PCDHGB2: variants seen among roughly 807,000 people sequenced by gnomAD.
PCDHGB2 encodes protocadherin gamma subfamily B, 2, also known as protocadherin gamma-B2.
In PCDHGB2, 55 loss-of-function variants were observed where a neutral mutation model predicts 59.3. That is an observed-to-expected ratio of 0.93 (90% confidence interval 0.75 to 1.16). The LOEUF (loss-of-function observed/expected upper bound fraction) is 1.16, where lower values mean the gene tolerates loss of function less well. Among genes scored for constraint, PCDHGB2 ranks in the 50% most tolerant of loss-of-function variants. The probability of loss-of-function intolerance (pLI) is 0.00; values close to 1 mark genes in which losing one functional copy is unlikely to be tolerated. For missense variants in PCDHGB2, 1,228 were observed against 1,198.5 expected, an observed-to-expected ratio of 1.02 and a Z score of -0.36; for synonymous variants, 516 against 512.0, an observed-to-expected ratio of 1.01 and a Z score of -0.11.
rs549051669 is a variant in PCDHGB2, at chr5:141,450,866, C to A, written c.2422-43941C>A. 4.7e-5 allele frequency among the ~76,000 whole-genome samples: 7 copies of A among 149,836 alleles called. No homozygotes were observed. In the East Asian group the frequency reaches 1.4e-3, roughly 29 times the overall value. On this transcript the variant is annotated intron_variant, in intron 1 of 3. Transcript: ENST00000522605. ...TTGAGATGGGGTCTTGCTCTGTCAC[C>A]CAGGCTGGTGTGCAGTGGTGCGATA...
intron 1 of PCDHGB2, chr5:141,382,889 G>A: frequency 2.0e-5 from 30 of 1,532,432 alleles, no homozygotes; most frequent in Non-Finnish European, 2.5e-5. Context: ...AGCAAGAGAA[G>A]CAGGACGACT....
rs370284141 is a variant in PCDHGB2, at chr5:141,421,654, G to A, written c.2421+59098G>A. On this transcript the variant is annotated intron_variant, in intron 1 of 3. Coordinates refer to ENST00000522605, the MANE Select transcript of PCDHGB2 (RefSeq NM_018923.3). ...CCAGGAGGACGAAGTGGAGATAAAA[G>A]TCAGTGAGCACGCAATTCCTGGGGC... The A allele has an allele frequency of 3.5e-5, 57 of 1,613,746 alleles. No individual in the cohort carries two copies. Among genetic ancestry groups the A allele is most frequent in the Admixed American group, 5.0e-5 (3 of 59,974 alleles).
chr5:141,433,108 G>A (rs2097568903), intron 1 of PCDHGB2: 2 of 1,614,146 alleles, frequency 1.2e-6, no homozygotes, highest in East Asian at 2.2e-5. Context: ...TCAGCCAGGA[G>A]AGCTTTGAAA....
chr5:141,389,658 G>T (rs750579245), intron 1 of PCDHGB2: 17 of 1,612,424 alleles, frequency 1.1e-5, no homozygotes, highest in Non-Finnish European at 8.5e-7. Flanking sequence ...GGTAGTGGCG[G>T]TGGACGCAGA....
intron 1 of PCDHGB2, among the ~76,000 whole-genome samples, chr5:141,436,122 C>T (rs909678739): frequency 4.6e-5 from 7 of 152,128 alleles, no homozygotes; most frequent in African/African-American, 7.2e-5. Flanking sequence ...AACCTCTCTC[C>T]TCCATCATCT....
At position 141,413,783 on chromosome 5, in the gene PCDHGB2, C is replaced by T. The variant is rs1418394305; in HGVS notation, c.2421+51227C>T. 3.7e-6 allele frequency: 6 copies of T among 1,613,096 alleles called. No individual in the cohort carries two copies. Among genetic ancestry groups the T allele is most frequent in the Non-Finnish European group, 4.2e-6 (5 of 1,179,878 alleles). On this transcript the variant is annotated intron_variant, in intron 1 of 3. Coordinates refer to ENST00000522605, the MANE Select transcript of PCDHGB2 (RefSeq NM_018923.3). ...TACCCGGAGCTGGTACTGGAGCACT[C>T]CCTAGATCGCGAGGAAGAGGCCATT...
At chr5:141,407,932 C>T (rs1465007397) in intron 1 of PCDHGB2, 7 of 504,268 alleles carry the variant, frequency 1.4e-5, no homozygotes, top group Non-Finnish European at 2.0e-5. Context: ...CACGGAGCCT[C>T]TGGGCGCCGC....
At chr5:141,460,848 C>A (rs528601988) in intron 1 of PCDHGB2, among the ~76,000 whole-genome samples, 1 of 150,236 alleles carries the variant, frequency 6.7e-6, no homozygotes, top group African/African-American at 2.4e-5. Context: ...GCCTCCAGTT[C>A]GATCCAAGTT....
chr5:141,395,544 G>T (rs1352260391), intron 1 of PCDHGB2: 4 of 11,560 alleles, frequency 3.5e-4, no homozygotes, highest in African/African-American at 5.6e-4. Flanking sequence ...GCTATTGTTT[G>T]TGTGTGTGTG....
chr5:141,394,001 G>A (rs766773377), intron 1 of PCDHGB2: 4 of 1,613,340 alleles, frequency 2.5e-6, no homozygotes, highest in Admixed American at 1.7e-5. Context: ...AATTAGAAAA[G>A]TCAATAGGTA....
chr5:141,400,371 C>A, intron 1 of PCDHGB2: 1 of 1,614,056 alleles, frequency 6.2e-7, no homozygotes, highest in South Asian at 1.1e-5. Flanking sequence ...CTTATTCCTA[C>A]AACCTATGTG....
At position 141,384,387 on chromosome 5, in the gene PCDHGB2, C is replaced by T. The variant is rs774707320; in HGVS notation, c.2421+21831C>T. The T allele has an allele frequency of 3.1e-6, 5 of 1,613,950 alleles. No homozygotes were observed. The South Asian group carries it at 5.5e-5, about 18-fold the overall frequency. On this transcript the variant is annotated intron_variant, in intron 1 of 3. Transcript: ENST00000522605. ...CTTATTCCTTGGCCGAAGACACCATCCAGGGGGCTCCAGTGTCCTCCTATG... is the reference window on the plus strand; with the variant it reads ...CTTATTCCTTGGCCGAAGACACCATTCAGGGGGCTCCAGTGTCCTCCTATG...
At chr5:141,380,282 T>C (rs1263967352) in intron 1 of PCDHGB2, among the ~76,000 whole-genome samples, 3 of 152,306 alleles carry the variant, frequency 2.0e-5, no homozygotes, top group Admixed American at 6.5e-5. Flanking sequence ...AGGAGAAACA[T>C]TGGAAGATAC....
intron 2 of PCDHGB2, among the ~76,000 whole-genome samples, chr5:141,497,540 C>CTT (rs754207034): frequency 2.8e-4 from 38 of 134,912 alleles, no homozygotes; most frequent in African/African-American, 8.9e-4. Context: ...TGCAACAAAC[C>CTT]TTTTTTTTTT....
intron 1 of PCDHGB2, among the ~76,000 whole-genome samples, chr5:141,474,185 C>T (rs1481544975): frequency 1.3e-5 from 2 of 152,180 alleles, no homozygotes; most frequent in Non-Finnish European, 2.9e-5. Flanking sequence ...AAACTACTTA[C>T]ATTTTTAAAA....
At chr5:141,427,695 C>T in intron 1 of PCDHGB2, 1 of 918,214 alleles carries the variant, frequency 1.1e-6, no homozygotes, top group Non-Finnish European at 1.7e-6. Context: ...CTCCATCCCA[C>T]AAGTCAGCGC....
rs1360124362 is a variant in PCDHGB2 at position 141,489,688 on chromosome 5, G to A, written c.2422-5119G>A. On this transcript the variant is annotated intron_variant, in intron 1 of 3. Coordinates refer to ENST00000522605, the MANE Select transcript of PCDHGB2 (RefSeq NM_018923.3). This position sits in a 1 kb window ranked among gnomAD's most constrained non-coding sequence, Gnocchi z 4.5. The stretch of plus-strand genomic sequence containing the variant: ...CATCTCAGAATCAGCAGCATCTGGG[G>A]CACGATTCCCACTGGACAGTGCCCA... 6.2e-7 allele frequency: 1 copy of A among 1,614,150 alleles called. No homozygotes were observed. Among genetic ancestry groups the A allele is most frequent in the Non-Finnish European group, 8.5e-7 (1 of 1,180,012 alleles).
intron 1 of PCDHGB2, chr5:141,367,404 G>C (rs919849034): frequency 1.3e-5 from 2 of 152,244 alleles, no homozygotes; most frequent in African/African-American, 4.8e-5. Flanking sequence ...GGGCGTGGTG[G>C]CAGGCGCCTG....
intron 1 of PCDHGB2, chr5:141,365,690 C>T: frequency 1.2e-6 from 2 of 1,613,562 alleles, no homozygotes; most frequent in South Asian, 2.2e-5. Flanking sequence ...CAATTTCCCT[C>T]AAGCCTCCTA....
Sources: allele counts gnomAD v4.1 joint callset (sites outside exome capture counted in the v4.1 genomes callset), GRCh38; gene constraint gnomAD v4.1.1; non-coding constraint Gnocchi (gnomAD v3.1); transcripts MANE v1.5; gene names NCBI Gene and HGNC (gene_info 2026-07-23, HGNC 2026-07-21).